Variants in UBE2W observed in about 807,000 individuals in gnomAD.
UBE2W encodes ubiquitin conjugating enzyme E2 W.
Under a neutral mutation model 27.2 loss-of-function variants are expected in UBE2W, and 18 were observed. The ratio of observed to expected loss-of-function variants is 0.66; its 90% CI spans 0.46 to 0.98. The LOEUF (loss-of-function observed/expected upper bound fraction) is 0.98. Among genes scored for constraint, UBE2W ranks in the 50% least tolerant of loss-of-function variants. The pLI is 0.00. For synonymous variants in UBE2W, 53 were observed against 57.2 expected, an observed-to-expected ratio of 0.93 and a Z score of 0.33; for missense variants, 90 against 180.2, an observed-to-expected ratio of 0.50 and a Z score of 2.87.
rs151060220 is a variant in UBE2W, at chr8:73,838,142, T to C, written c.16-7670A>G. On this transcript the variant is annotated intron_variant, in intron 1 of 5. Coordinates refer to ENST00000602593, the MANE Select transcript of UBE2W (RefSeq NM_018299.6). ...TTCTGATACATCTAAATACCAATAA[T>C]GGTATGTAAATGATTACATACTTTC... Among the ~76,000 whole-genome samples, 5 of 152,318 alleles carry C rather than the reference T, an allele frequency of 3.3e-5. No individual in the cohort carries two copies. The East Asian group carries it at 9.6e-4, about 29-fold the overall frequency.
intron 1 of UBE2W, among the ~76,000 whole-genome samples, chr8:73,848,985 A>G (rs1282738635): frequency 6.6e-6 from 1 of 152,182 alleles, no homozygotes; most frequent in Non-Finnish European, 1.5e-5. Flanking sequence ...ATGGATGAGT[A>G]TATTATGTGA....
At chr8:73,832,136 A>AATATATATATATAT (rs111764105) in intron 1 of UBE2W, among the ~76,000 whole-genome samples, 70 of 145,412 alleles carry the variant, frequency 4.8e-4, no homozygotes, top group African/African-American at 1.8e-3. Context: ...AAAATAAATA[A>AATATATATATATAT]ATATATATAT....
At position 73,849,281 on chromosome 8, in the gene UBE2W, G is replaced by A. The variant is rs1212054290; in HGVS notation, c.16-18809C>T. Among the ~76,000 whole-genome samples the A allele has an allele frequency of 1.2e-4, 18 of 152,062 alleles. 1 individual carries two copies. Among genetic ancestry groups the A allele is most frequent in the Admixed American group, 9.8e-4 (15 of 15,264 alleles). Reference sequence around the variant, plus strand: ...AATCCCAGCACTGTGGGAGGCCAACGCAGGTGGATCACCTGAGGTCAGGAG... The same window carrying A: ...AATCCCAGCACTGTGGGAGGCCAACACAGGTGGATCACCTGAGGTCAGGAG... On this transcript the variant is annotated intron_variant, in intron 1 of 5. Coordinates refer to ENST00000602593, the MANE Select transcript of UBE2W (RefSeq NM_018299.6).
At chr8:73,874,746 C>T (rs1289993368) in intron 1 of UBE2W, among the ~76,000 whole-genome samples, 1 of 152,126 alleles carries the variant, frequency 6.6e-6, no homozygotes, top group African/African-American at 2.4e-5. Context: ...TAGGTATCAC[C>T]ACAAATATAA....
chr8:73,805,707 G>A lies in UBE2W; in HGVS notation c.386C>T (p.Ser129Phe). The A allele has an allele frequency of 6.5e-7, 1 of 1,535,488 alleles. No individual in the cohort carries two copies. Among genetic ancestry groups the A allele is most frequent in the South Asian group, 1.3e-5 (1 of 76,892 alleles). Residue 129 changes from serine to phenylalanine, a missense_variant, in exon 5 of 6, where the codon TCT becomes TTT. Physicochemically the swap from Ser to Phe is radical, Grantham distance 155. Coordinates refer to ENST00000602593, the MANE Select transcript of UBE2W (RefSeq NM_018299.6). ...CTTGTTACATGTTCGCACATAAAAA[G>A]AATTATCCGGTGGTCGTCTCTGAAA... Reference protein sequence around the residue: ...CKEKRRPPDNSFYVRTCNKNP... With the variant: ...CKEKRRPPDNFFYVRTCNKNP...
At chr8:73,831,732 T>A (rs1810072509) in intron 1 of UBE2W, 1 of 151,972 alleles carries the variant, frequency 6.6e-6, no homozygotes, top group African/African-American at 2.4e-5. Context: ...AAAAAAATTT[T>A]TTTTTTGTAG....
intron 1 of UBE2W, among the ~76,000 whole-genome samples, chr8:73,843,278 TAAATTTA>T (rs1810622371): frequency 6.6e-6 from 1 of 152,148 alleles, no homozygotes; most frequent in South Asian, 2.1e-4. Context: ...ACAGAGTAAA[TAAATTTA>T]AATTATCGAG....
At chr8:73,837,113 A>G (rs933753218) in intron 1 of UBE2W, among the ~76,000 whole-genome samples, 1 of 152,240 alleles carries the variant, frequency 6.6e-6, no homozygotes, top group South Asian at 2.1e-4. Flanking sequence ...TCATCATTTT[A>G]TGTGTCACTA....
intron 3 of UBE2W, among the ~76,000 whole-genome samples, chr8:73,814,176 C>G (rs1443334295): frequency 6.6e-6 from 1 of 152,196 alleles, no homozygotes; most frequent in Admixed American, 6.5e-5. Context: ...GTGAATGTTT[C>G]AGTTTTTTAA....
intron 1 of UBE2W, among the ~76,000 whole-genome samples, chr8:73,846,040 A>G (rs1298801418): frequency 1.3e-5 from 2 of 152,252 alleles, no homozygotes; most frequent in Non-Finnish European, 1.5e-5. Context: ...GCAGATACTT[A>G]AAGTGTGTAC....
intron 1 of UBE2W, among the ~76,000 whole-genome samples, chr8:73,857,124 A>G (rs552954028): frequency 6.6e-6 from 1 of 152,276 alleles, no homozygotes; most frequent in South Asian, 2.1e-4. Context: ...GAAGAAAGTG[A>G]TTTGTTTTCT....
chr8:73,783,426 T>C (rs1312645114), downstream of UBE2W, among the ~76,000 whole-genome samples: 1 of 152,242 alleles, frequency 6.6e-6, no homozygotes, highest in Non-Finnish European at 1.5e-5. Flanking sequence ...GCTTTCCAAA[T>C]GTTCTAATGC....
intron 1 of UBE2W, among the ~76,000 whole-genome samples, chr8:73,859,794 C>G (rs1016031962): frequency 6.6e-6 from 1 of 152,268 alleles, no homozygotes; most frequent in African/African-American, 2.4e-5. Flanking sequence ...AAAGCTGTAA[C>G]TATGTTTCAG....
In UBE2W at chr8:73,822,309, C is replaced by T. The variant is rs568784922; in HGVS notation, c.210+2838G>A. On this transcript the variant is annotated intron_variant, in intron 3 of 5. Transcript: ENST00000602593. ...ACAGGACTAGCTGGATTTCCTAGGC[C>T]GACAAAGAATCCCTAAGCCTAGCTG... is the stretch of plus-strand genomic sequence containing the variant. 1.5e-3 allele frequency among the ~76,000 whole-genome samples: 221 copies of T among 152,084 alleles called. 1 individual carries two copies. Among genetic ancestry groups the T allele is most frequent in the Non-Finnish European group, 2.8e-3 (193 of 68,004 alleles).
chr8:73,792,129 T>C lies in UBE2W; in HGVS notation c.*1973A>G. ...ACGCAAAATATGAAAATACATAATT[T>C]ACAGCTGCAATTTTCATATTAAAAG... is the stretch of plus-strand genomic sequence containing the variant. On this transcript the variant is annotated 3_prime_UTR_variant, in exon 6 of 6. Coordinates refer to ENST00000602593, the MANE Select transcript of UBE2W (RefSeq NM_018299.6). 1 of 985,348 alleles carries C rather than the reference T, an allele frequency of 1.0e-6. No individual in the cohort carries two copies. The highest frequency in any genetic ancestry group is 4.7e-5 in the South Asian group (1 of 21,290). 61.0% of individuals were successfully genotyped at this position (985,348 alleles called of 1,614,324 possible). A position where few individuals can be genotyped will look rare whatever the true frequency, so the allele number is the denominator to read the frequency against.
intron 1 of UBE2W, among the ~76,000 whole-genome samples, chr8:73,839,865 G>A (rs1810470215): frequency 6.6e-6 from 1 of 151,000 alleles, no homozygotes; most frequent in Non-Finnish European, 1.5e-5. Flanking sequence ...CCGAGTAGGT[G>A]GGACTCCAGG....
chr8:73,835,617 G>GTCTGTAA (rs1476925396), intron 1 of UBE2W, among the ~76,000 whole-genome samples: 2 of 152,132 alleles, frequency 1.3e-5, no homozygotes, highest in African/African-American at 4.8e-5. Flanking sequence ...GGTGGCATGC[G>GTCTGTAA]TCTGTAATCT....
At chr8:73,815,171 G>A (rs1809335153) in intron 3 of UBE2W, among the ~76,000 whole-genome samples, 1 of 152,144 alleles carries the variant, frequency 6.6e-6, no homozygotes, top group Non-Finnish European at 1.5e-5. Context: ...GAGCCCTGGA[G>A]CTCAAGACCA....
rs537220953 is a variant in UBE2W at position 73,861,849 on chromosome 8, C to A, written c.15+16959G>T. ...TTTGTTGTATAAAATGGCCATCAAA[C>A]AAAACATTTTACTAAAGCTGATAGG... is the stretch of plus-strand genomic sequence containing the variant. On this transcript the variant is annotated intron_variant, in intron 1 of 5. Transcript: ENST00000602593. Among the ~76,000 whole-genome samples the A allele has an allele frequency of 3.3e-5, 5 of 152,130 alleles. No individual in the cohort carries two copies. The East Asian group carries it at 9.6e-4, about 29-fold the overall frequency.
Sources: gnomAD v4.1 joint callset for allele counts (sites outside exome capture counted in the v4.1 genomes callset) on GRCh38, gnomAD v4.1.1 for gene constraint, MANE v1.5 for transcripts, NCBI Gene and HGNC (gene_info 2026-07-23, HGNC 2026-07-21) for gene names.